The following SEMA3C variants were observed in gnomAD, a reference collection of about 807,000 sequenced individuals.
SEMA3C encodes the protein semaphorin-3C.
Under a neutral mutation model 89.4 loss-of-function variants are expected in SEMA3C, and 47 were observed. The observed-to-expected ratio is 0.53, with a 90% CI of 0.42 to 0.67. The LOEUF is 0.67. Among genes scored for constraint, SEMA3C ranks in the 30% least tolerant of loss-of-function variants. The pLI is 0.00. For missense variants in SEMA3C, 839 were observed against 929.1 expected, an observed-to-expected ratio of 0.90 and a Z score of 1.26; for synonymous variants, 310 against 320.2, an observed-to-expected ratio of 0.97 and a Z score of 0.34.
At chr7:80,876,629 T>G (rs1219691809) in intron 2 of SEMA3C, among the ~76,000 whole-genome samples, 1 of 152,232 alleles carries the variant, frequency 6.6e-6, no homozygotes, top group Non-Finnish European at 1.5e-5. Context: ...ACCAAATTAT[T>G]TAAGAAACAA....
At chr7:80,836,713 A>AAC (rs1394278081) in intron 2 of SEMA3C, among the ~76,000 whole-genome samples, 4 of 150,742 alleles carry the variant, frequency 2.7e-5, no homozygotes, top group Non-Finnish European at 1.5e-5. Flanking sequence ...CAAACAAACA[A>AAC]AAACAGACAG....
intron 2 of SEMA3C, among the ~76,000 whole-genome samples, chr7:80,874,012 CT>C (rs1791137810): frequency 6.6e-6 from 1 of 152,084 alleles, no homozygotes; most frequent in Admixed American, 6.5e-5. Context: ...CCTCAAAGCC[CT>C]TTTTTGGAGT....
intron 2 of SEMA3C, among the ~76,000 whole-genome samples, chr7:80,842,526 C>A (rs1160215861): frequency 6.6e-6 from 1 of 152,054 alleles, no homozygotes; most frequent in African/African-American, 2.4e-5. Context: ...TCAGTAAAAT[C>A]TTTTGGTGGA....
chr7:80,885,088 G>A (rs535332225), intron 2 of SEMA3C, among the ~76,000 whole-genome samples: 4 of 152,212 alleles, frequency 2.6e-5, no homozygotes, highest in Admixed American at 2.0e-4. Context: ...TTTCTCTTTA[G>A]AATGAGACAA....
At chr7:80,794,669 AC>A (rs1201234989) in intron 11 of SEMA3C, among the ~76,000 whole-genome samples, 1 of 152,184 alleles carries the variant, frequency 6.6e-6, no homozygotes, top group Admixed American at 6.6e-5. Context: ...TTAAAGTTGA[AC>A]ACTTTCATTA....
At chr7:80,756,849 C>T (rs2117044821) in intron 15 of SEMA3C, among the ~76,000 whole-genome samples, 2 of 152,320 alleles carry the variant, frequency 1.3e-5, no homozygotes, top group South Asian at 4.1e-4. Context: ...CGACCTCCTG[C>T]TTACCACTTA....
Position 80,810,512 on chromosome 7 carries a change from T to A in SEMA3C, c.538+99A>T, listed in dbSNP as rs1188624622. Reference sequence around the variant, plus strand: ...CTTTCTTCATATTATTTTACTCACATACTATCATCCACACAACCATCAAGA... The same window carrying A: ...CTTTCTTCATATTATTTTACTCACAAACTATCATCCACACAACCATCAAGA... On this transcript the variant is annotated intron_variant, in intron 6 of 17. Transcript: ENST00000265361. The A allele has an allele frequency of 3.7e-6, 3 of 812,084 alleles. No individual in the cohort carries two copies. In the East Asian group the frequency reaches 7.7e-5, roughly 21 times the overall value. The allele number at this position is 812,084 out of a possible 1,614,324, so 50.3% of individuals were successfully genotyped here. A position where few individuals can be genotyped will look rare whatever the true frequency, so the allele number is the denominator to read the frequency against.
At chr7:80,818,718 G>A (rs1217643553) in intron 4 of SEMA3C, among the ~76,000 whole-genome samples, 1 of 152,160 alleles carries the variant, frequency 6.6e-6, no homozygotes, top group African/African-American at 2.4e-5. Context: ...AATTTGTGCT[G>A]GGCCACATTC....
intron 2 of SEMA3C, among the ~76,000 whole-genome samples, chr7:80,883,580 A>AC (rs1791403603): frequency 6.6e-6 from 1 of 152,240 alleles, no homozygotes; most frequent in Non-Finnish European, 1.5e-5. Flanking sequence ...GCATACTCAG[A>AC]CATAAGGTCA....
At position 80,767,262 on chromosome 7, in the gene SEMA3C, T is replaced by C. The variant is rs17154417; in HGVS notation, c.1355-2019A>G. Among the ~76,000 whole-genome samples the C allele has an allele frequency of 0.027, 4,169 of 152,318 alleles. 281 individuals carry two copies. In the East Asian group the frequency reaches 0.29, roughly 10 times the overall value. ...TGCTGCCAGTAACAAGTTGGCAATA[T>C]GTTTCTTTGGATATCTCAAAATGTA... On this transcript the variant is annotated intron_variant, in intron 12 of 17. Coordinates refer to ENST00000265361, the MANE Select transcript of SEMA3C (RefSeq NM_006379.5).
Position 80,896,201 on chromosome 7 carries a change from T to C in SEMA3C, c.103+20478A>G, listed in dbSNP as rs1562974725. 3.3e-5 allele frequency among the ~76,000 whole-genome samples: 5 copies of C among 152,152 alleles called. No homozygotes were observed. The South Asian group carries it at 1.0e-3, about 31-fold the overall frequency. On this transcript the variant is annotated intron_variant, in intron 2 of 17. Transcript: ENST00000265361. ...GTCTTTTAAAATAGCCCTACAACTG[T>C]AAACATGGAATTCATTCATTAATTT... is the stretch of plus-strand genomic sequence containing the variant.
chr7:80,862,191 A>G (rs114633701), intron 2 of SEMA3C, among the ~76,000 whole-genome samples: 1,612 of 152,074 alleles, frequency 0.011, 26 homozygotes, highest in African/African-American at 0.037. Flanking sequence ...TACCTTGAAA[A>G]CCCTAAAGAC....
At chr7:80,763,084 A>G (rs1386729952) in intron 13 of SEMA3C, among the ~76,000 whole-genome samples, 1 of 152,212 alleles carries the variant, frequency 6.6e-6, no homozygotes, top group African/African-American at 2.4e-5. Flanking sequence ...TTAGGCAGCT[A>G]CTAGTAGTTA....
intron 2 of SEMA3C, among the ~76,000 whole-genome samples, chr7:80,840,518 GAA>G (rs1171113816): frequency 0.028 from 2,268 of 82,264 alleles, 47 homozygotes; most frequent in Admixed American, 0.098. Context: ...CTGTCTCCAG[GAA>G]AAAAAAAAAA....
intron 2 of SEMA3C, among the ~76,000 whole-genome samples, chr7:80,901,366 A>C (rs1791875809): frequency 6.6e-6 from 1 of 152,198 alleles, no homozygotes; most frequent in Non-Finnish European, 1.5e-5. Context: ...TGTTCCATCC[A>C]GGGAAGCACC....
At chr7:80,868,393 G>A (rs1447999692) in intron 2 of SEMA3C, among the ~76,000 whole-genome samples, 2 of 151,880 alleles carry the variant, frequency 1.3e-5, no homozygotes, top group Non-Finnish European at 2.9e-5. Flanking sequence ...TCAGCCTCCC[G>A]AGTAACTGGG....
intron 2 of SEMA3C, among the ~76,000 whole-genome samples, chr7:80,881,980 T>C (rs1256841440): frequency 1.3e-5 from 2 of 152,196 alleles, no homozygotes; most frequent in Non-Finnish European, 2.9e-5. Flanking sequence ...ATTTTGAATG[T>C]ATTATATTTA....
rs753848721 is a variant in SEMA3C at position 80,785,982 on chromosome 7, A to C, written c.1354+3324T>G. 3.9e-5 allele frequency among the ~76,000 whole-genome samples: 6 copies of C among 152,272 alleles called. No homozygotes were observed. In the East Asian group the frequency reaches 1.2e-3, roughly 29 times the overall value. The stretch of plus-strand genomic sequence containing the variant: ...TTGAAATCATTGTTTAAAAATTATA[A>C]TGCAGCCGGTTATGACAATAAGGTC... On this transcript the variant is annotated intron_variant, in intron 12 of 17. Transcript: ENST00000265361.
At chr7:80,857,782 A>G (rs897831957) in intron 2 of SEMA3C, among the ~76,000 whole-genome samples, 2 of 152,178 alleles carry the variant, frequency 1.3e-5, no homozygotes, top group Admixed American at 1.3e-4. Context: ...AGAATTTGTA[A>G]AAGAGCTAAA....
Sources: gnomAD v4.1 joint callset for allele counts (sites outside exome capture counted in the v4.1 genomes callset) on GRCh38, gnomAD v4.1.1 for gene constraint, MANE v1.5 for transcripts, NCBI Gene and HGNC (gene_info 2026-07-23, HGNC 2026-07-21) for gene names.